Variants in ADAM32 observed in about 807,000 individuals in gnomAD.
The protein encoded by ADAM32 is ADAM metallopeptidase domain 32.
Under a neutral mutation model 114.9 loss-of-function variants are expected in ADAM32, and 89 were observed. The ratio of observed to expected loss-of-function variants is 0.77; its 90% CI spans 0.65 to 0.92. The LOEUF is 0.92. Among genes scored for constraint, ADAM32 ranks in the 40% least tolerant of loss-of-function variants. The probability of loss-of-function intolerance (pLI) is 0.00; values close to 1 mark genes in which losing one functional copy is unlikely to be tolerated. For missense variants in ADAM32, 870 were observed against 932.8 expected (o/e 0.93, Z 0.88); for synonymous variants, 285 against 307.5 (o/e 0.93, Z 0.77).
intron 24 of ADAM32, 125 bp from the exon 25 acceptor site, chr8:39,284,668 C>G: frequency 9.9e-7 from 1 of 1,010,678 alleles, no homozygotes; most frequent in African/African-American, 1.6e-5. Context: ...TGTAAACATC[C>G]TTTCAATAAT....
At chr8:39,159,385 T>C (rs186607969) in intron 6 of ADAM32, among the ~76,000 whole-genome samples, 24 of 152,350 alleles carry the variant, frequency 1.6e-4, no homozygotes, top group Non-Finnish European at 2.4e-4. Context: ...TGTTGACAAC[T>C]CACCCTTAGC....
At position 39,151,675 on chromosome 8, in the gene ADAM32, C is replaced by CTTTT. The variant is rs11381154; in HGVS notation, c.525+140_525+143dup. 8.7e-4 allele frequency: 380 copies of CTTTT among 434,696 alleles called. 1 individual carries two copies. The highest frequency in any genetic ancestry group is 1.2e-3 in the South Asian group (25 of 20,700). 26.9% of individuals were successfully genotyped at this position (434,696 alleles called of 1,614,324 possible). A position where few individuals can be genotyped will look rare whatever the true frequency, so the allele number is the denominator to read the frequency against. Reference sequence around the variant, plus strand: ...TATCCTTTCCTTGTGAACATCTTATCTTTTTTTTTTTTTTTTCTCACTCTC... The same window carrying CTTTT: ...TATCCTTTCCTTGTGAACATCTTATCTTTTTTTTTTTTTTTTTTTTCTCACTCTC... On this transcript the variant is annotated intron_variant, in intron 6 of 24. Transcript: ENST00000379907.
At chr8:39,224,786 A>G (rs1433130623) in intron 14 of ADAM32, among the ~76,000 whole-genome samples, 2 of 152,222 alleles carry the variant, frequency 1.3e-5, no homozygotes, top group East Asian at 1.9e-4. Flanking sequence ...AAAACAAAAA[A>G]TAGAAAACTA....
intron 19 of ADAM32, among the ~76,000 whole-genome samples, chr8:39,258,986 C>T (rs190210363): frequency 1.9e-4 from 29 of 152,116 alleles, no homozygotes; most frequent in Non-Finnish European, 3.8e-4. Flanking sequence ...TTACCTGGTA[C>T]AACTTTTTTC....
intron 14 of ADAM32, among the ~76,000 whole-genome samples, chr8:39,226,696 GA>G (rs1206598113): frequency 6.6e-6 from 1 of 151,456 alleles, no homozygotes; most frequent in African/African-American, 2.4e-5. Context: ...ATAAAGGAAA[GA>G]TAAAACTTTC....
chr8:39,176,610 G>A (rs1358062438), intron 10 of ADAM32, among the ~76,000 whole-genome samples: 1 of 152,130 alleles, frequency 6.6e-6, no homozygotes, highest in East Asian at 1.9e-4. Flanking sequence ...TTTTGATTAT[G>A]TGATTGATTT....
At chr8:39,133,966 T>C (rs1802624043) in intron 2 of ADAM32, among the ~76,000 whole-genome samples, 1 of 152,084 alleles carries the variant, frequency 6.6e-6, no homozygotes, top group Non-Finnish European at 1.5e-5. Context: ...AGCTCTCAGG[T>C]TCTGGGGAGT....
chr8:39,228,065 C>T (rs1249839295), intron 14 of ADAM32, among the ~76,000 whole-genome samples: 3 of 152,152 alleles, frequency 2.0e-5, no homozygotes, highest in Admixed American at 2.0e-4. Context: ...GATGGCTAGA[C>T]CCAGAAGAGA....
At chr8:39,224,846 C>A (rs1809241777) in intron 14 of ADAM32, among the ~76,000 whole-genome samples, 1 of 151,998 alleles carries the variant, frequency 6.6e-6, no homozygotes, top group South Asian at 2.1e-4. Flanking sequence ...ATCTAAGAAC[C>A]CTCTGGCAGC....
chr8:39,193,837 C>T (rs1394061349), intron 11 of ADAM32, among the ~76,000 whole-genome samples: 2 of 152,150 alleles, frequency 1.3e-5, no homozygotes, highest in Non-Finnish European at 2.9e-5. Flanking sequence ...CAGCTTTGTT[C>T]TCTGGCTCCT....
At chr8:39,154,301 G>A (rs1374741244) in intron 6 of ADAM32, among the ~76,000 whole-genome samples, 6 of 151,766 alleles carry the variant, frequency 4.0e-5, no homozygotes, top group African/African-American at 2.4e-5. Context: ...GTGGTTTTCT[G>A]TTCTTGTGTT....
intron 2 of ADAM32, among the ~76,000 whole-genome samples, chr8:39,127,104 C>T (rs374820083): frequency 1.3e-5 from 2 of 152,162 alleles, no homozygotes; most frequent in African/African-American, 4.8e-5. Context: ...CACTGATTTT[C>T]ATCAGGGATA....
intron 2 of ADAM32, among the ~76,000 whole-genome samples, chr8:39,118,748 A>T (rs946399994): frequency 6.6e-6 from 1 of 152,204 alleles, no homozygotes; most frequent in African/African-American, 2.4e-5. Flanking sequence ...TATTTTTAGC[A>T]GTTTTGTTGA....
chr8:39,198,010 G>A (rs1807125415), intron 11 of ADAM32, among the ~76,000 whole-genome samples: 1 of 151,966 alleles, frequency 6.6e-6, no homozygotes. Context: ...ATTGTTTGGT[G>A]CATATATATT....
At chr8:39,187,093 TATTCAG>T in intron 11 of ADAM32, 48 bp downstream of exon 11, 1 of 1,516,864 alleles carries the variant, frequency 6.6e-7, no homozygotes, top group South Asian at 1.3e-5. Flanking sequence ...TCATTTTAAA[TATTCAG>T]AGTGTGAAAA....
chr8:39,131,503 G>T (rs1053804219), intron 2 of ADAM32, among the ~76,000 whole-genome samples: 1 of 152,104 alleles, frequency 6.6e-6, no homozygotes, highest in African/African-American at 2.4e-5. Flanking sequence ...TTCATTCAAA[G>T]ATTTTTTTGT....
intron 11 of ADAM32, among the ~76,000 whole-genome samples, chr8:39,202,056 G>A (rs886726121): frequency 1.3e-5 from 2 of 152,140 alleles, no homozygotes; most frequent in African/African-American, 4.8e-5. Context: ...TTTTTGCATT[G>A]ATGTTCATCA....
intron 11 of ADAM32, among the ~76,000 whole-genome samples, chr8:39,210,915 G>A (rs1808161911): frequency 6.6e-6 from 1 of 152,058 alleles, no homozygotes; most frequent in Middle Eastern, 3.2e-3. Context: ...GGATTACTGT[G>A]TGTGTGTGTG....
intron 3 of ADAM32, among the ~76,000 whole-genome samples, chr8:39,142,032 G>A (rs891121744): frequency 7.9e-5 from 12 of 151,212 alleles, no homozygotes; most frequent in Non-Finnish European, 1.8e-4. Flanking sequence ...TTCTTTTTTT[G>A]TTTTCCATTT....
Sources: gnomAD v4.1 joint callset for allele counts (sites outside exome capture counted in the v4.1 genomes callset) on GRCh38, gnomAD v4.1.1 for gene constraint, MANE v1.5 for transcripts, NCBI Gene and HGNC (gene_info 2026-07-23, HGNC 2026-07-21) for gene names.